COP1: variants seen among roughly 807,000 people sequenced by gnomAD.
The protein encoded by COP1 is E3 ubiquitin-protein ligase COP1.
In COP1, 24 loss-of-function variants were observed where a neutral mutation model predicts 101.3. That is an observed-to-expected ratio of 0.24 (90% CI 0.17 to 0.33). The LOEUF is 0.33. Among genes scored for constraint, COP1 ranks in the 10% least tolerant of loss-of-function variants. COP1 has a pLI of 1.00. For synonymous variants in COP1, 347 were observed against 341.9 expected (o/e 1.01, Z -0.17); for missense variants, 663 against 906.2 (o/e 0.73, Z 3.45).
At chr1:176,076,213 T>C (rs1482722719) in intron 11 of COP1, among the ~76,000 whole-genome samples, 1 of 151,986 alleles carries the variant, frequency 6.6e-6, no homozygotes, top group African/African-American at 2.4e-5. Context: ...ATAGACCACA[T>C]GCTTGGCCAT....
At chr1:176,169,859 C>T (rs1450521908) in intron 3 of COP1, among the ~76,000 whole-genome samples, 1 of 152,224 alleles carries the variant, frequency 6.6e-6, no homozygotes, top group African/African-American at 2.4e-5. Flanking sequence ...TAGCATCTTT[C>T]TCACAGTAGA....
chr1:176,114,356 T>C (rs1456581213), intron 9 of COP1, among the ~76,000 whole-genome samples: 1 of 152,096 alleles, frequency 6.6e-6, no homozygotes, highest in African/African-American at 2.4e-5. Flanking sequence ...CAGGATGATG[T>C]ACAGAGTAGT....
intron 15 of COP1, among the ~76,000 whole-genome samples, chr1:176,005,733 C>T (rs1220337146): frequency 9.4e-6 from 1 of 106,652 alleles, no homozygotes; most frequent in African/African-American, 2.9e-5. Context: ...GTTATAATCT[C>T]TGTTCTTTTA....
intron 14 of COP1, among the ~76,000 whole-genome samples, chr1:176,038,052 G>A (rs924689116): frequency 2.6e-5 from 4 of 152,190 alleles, no homozygotes; most frequent in African/African-American, 4.8e-5. Context: ...CAAGGAATCT[G>A]AAAAAGTAAT....
chr1:176,138,546 A>G (rs767391091), intron 6 of COP1, among the ~76,000 whole-genome samples: 18 of 152,156 alleles, frequency 1.2e-4, no homozygotes, highest in Non-Finnish European at 2.1e-4. Context: ...GTCTGTCCTG[A>G]AACTCTTTCA....
chr1:175,983,283 G>A (rs768772286), intron 18 of COP1, among the ~76,000 whole-genome samples: 7 of 152,154 alleles, frequency 4.6e-5, no homozygotes, highest in South Asian at 2.1e-4. Flanking sequence ...CCCAGTGGGA[G>A]GTAAATGACT....
At chr1:176,187,875 A>C (rs75220395) in intron 1 of COP1, among the ~76,000 whole-genome samples, 1 of 152,168 alleles carries the variant, frequency 6.6e-6, no homozygotes, top group Non-Finnish European at 1.5e-5. Context: ...CCCAAATTTC[A>C]TATGTTGAAA....
intron 9 of COP1, among the ~76,000 whole-genome samples, chr1:176,088,981 G>A (rs1225429219): frequency 8.7e-6 from 1 of 115,318 alleles, no homozygotes; most frequent in Non-Finnish European, 1.7e-5. Flanking sequence ...GGCAACAAGA[G>A]CAAAACTCAG....
intron 11 of COP1, among the ~76,000 whole-genome samples, chr1:176,080,641 C>T (rs1320976017): frequency 6.6e-6 from 1 of 152,080 alleles, no homozygotes; most frequent in Non-Finnish European, 1.5e-5. Flanking sequence ...AATAATTGTA[C>T]GCCAATAAGT....
At chr1:176,005,013 C>A (rs140972145) in intron 15 of COP1, among the ~76,000 whole-genome samples, 40,560 of 151,454 alleles carry the variant, frequency 0.27, 6,490 homozygotes, top group East Asian at 0.49. Context: ...GCTATTGATT[C>A]TTGCCACAAT....
chr1:175,964,482 C>T (rs1261193121), intron 18 of COP1, among the ~76,000 whole-genome samples: 1 of 152,120 alleles, frequency 6.6e-6, no homozygotes, highest in East Asian at 1.9e-4. Context: ...TGGTAGAACA[C>T]TATTAGTGAC....
chr1:175,983,517 A>G (rs951291187), intron 18 of COP1, among the ~76,000 whole-genome samples: 1 of 152,184 alleles, frequency 6.6e-6, no homozygotes, highest in African/African-American at 2.4e-5. Flanking sequence ...AGTCTTGAGT[A>G]TATCTTTATC....
chr1:176,142,651 ATAT>A (rs1690882315), intron 6 of COP1, among the ~76,000 whole-genome samples: 1 of 152,082 alleles, frequency 6.6e-6, no homozygotes, highest in Non-Finnish European at 1.5e-5. Flanking sequence ...GGTACAGCAA[ATAT>A]TATATTCAAA....
intron 15 of COP1, among the ~76,000 whole-genome samples, chr1:176,005,924 G>C (rs1283337926): frequency 1.3e-5 from 2 of 152,102 alleles, no homozygotes; most frequent in Non-Finnish European, 2.9e-5. Flanking sequence ...CTGTCTCGTT[G>C]ATCTGTCTAA....
chr1:176,129,038 T>G (rs1261696227), intron 8 of COP1, among the ~76,000 whole-genome samples: 1 of 151,960 alleles, frequency 6.6e-6, no homozygotes, highest in Non-Finnish European at 1.5e-5. Context: ...TTGCATAGAA[T>G]GACATGGGTA....
chr1:176,090,486 G>A (rs1681073185), intron 9 of COP1, among the ~76,000 whole-genome samples: 1 of 152,138 alleles, frequency 6.6e-6, no homozygotes, highest in African/African-American at 2.4e-5. Context: ...AAGAAAGTAA[G>A]ATAATTTTCA....
chr1:175,991,009 A>G (rs1658304460), intron 15 of COP1, among the ~76,000 whole-genome samples: 1 of 152,116 alleles, frequency 6.6e-6, no homozygotes, highest in Non-Finnish European at 1.5e-5. Flanking sequence ...TCTGAAATCA[A>G]AAAATCCCAA....
At position 175,994,607 on chromosome 1, in the gene COP1, A is replaced by G. The variant is rs1246871673; in HGVS notation, c.1730-5128T>C. On this transcript the variant is annotated intron_variant, in intron 15 of 19. Transcript: ENST00000367669. ...AGGGGTTGCAATCCTAGTCTCTGAT[A>G]AAACAGACTTTAAACCAACAAAGAT... Among the ~76,000 whole-genome samples, 3 of 152,218 alleles carry G rather than the reference A, an allele frequency of 2.0e-5. 1 individual carries two copies. The highest frequency in any genetic ancestry group is 4.4e-5 in the Non-Finnish European group (3 of 68,036).
At chr1:176,144,299 C>G (rs1307283753) in intron 6 of COP1, among the ~76,000 whole-genome samples, 5 of 152,046 alleles carry the variant, frequency 3.3e-5, no homozygotes, top group Admixed American at 2.6e-4. Context: ...ACCTGTATTT[C>G]TACACACTAG....
Sources: allele counts gnomAD v4.1 joint callset (sites outside exome capture counted in the v4.1 genomes callset), GRCh38; gene constraint gnomAD v4.1.1; transcripts MANE v1.5; gene names NCBI Gene and HGNC (gene_info 2026-07-23, HGNC 2026-07-21).